Variants in ROR1 observed in about 807,000 individuals in gnomAD.
ROR1 encodes ROR family WNT receptor 1, also known as inactive tyrosine-protein kinase transmembrane receptor ROR1.
In ROR1, 19 loss-of-function variants were observed where a neutral mutation model predicts 78.8. The ratio of observed to expected loss-of-function variants is 0.24; its 90% CI spans 0.17 to 0.35. The LOEUF is 0.35. ROR1 is among the 10% of genes least tolerant of loss of function. The pLI is 1.00. For missense variants in ROR1, 917 were observed against 1,177.8 expected, an observed-to-expected ratio of 0.78 and a Z score of 3.24; for synonymous variants, 386 against 433.6, an observed-to-expected ratio of 0.89 and a Z score of 1.36.
intron 4 of ROR1, among the ~76,000 whole-genome samples, chr1:64,077,626 A>T (rs1647062094): frequency 6.6e-6 from 1 of 152,256 alleles, no homozygotes; most frequent in African/African-American, 2.4e-5. Context: ...CCCACAAAGG[A>T]CAGACAGCAC....
chr1:63,936,275 G>A (rs139347440), intron 1 of ROR1, among the ~76,000 whole-genome samples: 218 of 152,240 alleles, frequency 1.4e-3, no homozygotes, highest in Non-Finnish European at 2.5e-3. Context: ...CAATCTATTC[G>A]TTTTCTGCCT....
At chr1:63,935,049 G>A (rs2100449137) in intron 1 of ROR1, among the ~76,000 whole-genome samples, 1 of 145,820 alleles carries the variant, frequency 6.9e-6, no homozygotes, top group East Asian at 2.0e-4. Context: ...TTTGGGTAGA[G>A]GGGAGAATGA....
At chr1:64,085,201 A>G (rs1341056017) in intron 4 of ROR1, among the ~76,000 whole-genome samples, 3 of 152,212 alleles carry the variant, frequency 2.0e-5, no homozygotes, top group African/African-American at 7.2e-5. Flanking sequence ...CACATGCTGG[A>G]TGTAAAAGTG....
At chr1:64,067,806 G>T (rs1043382381) in intron 4 of ROR1, among the ~76,000 whole-genome samples, 1 of 148,200 alleles carries the variant, frequency 6.7e-6, no homozygotes, top group African/African-American at 2.5e-5. Flanking sequence ...TCCGCCTCCC[G>T]GGTTCAAACC....
intron 1 of ROR1, among the ~76,000 whole-genome samples, chr1:64,008,952 AT>A (rs1646452953): frequency 1.3e-5 from 2 of 152,276 alleles, no homozygotes; most frequent in African/African-American, 4.8e-5. Flanking sequence ...AATGATAGCC[AT>A]TCTGACTAGT....
rs1649160376 is a variant in ROR1 at position 64,137,615 on chromosome 1, C to A, written c.610+119C>A. The A allele has an allele frequency of 2.7e-5, 25 of 919,728 alleles. No homozygotes were observed. The South Asian group carries it at 3.5e-4, about 13-fold the overall frequency. The allele number at this position is 919,728 out of a possible 1,614,324, so 57.0% of individuals were successfully genotyped here. A position where few individuals can be genotyped will look rare whatever the true frequency, so the allele number is the denominator to read the frequency against. On this transcript the variant is annotated intron_variant, in intron 5 of 8. Transcript: ENST00000371079. ...CTCAGCATGGAGGTTGGGAGCAGGACCATAAAAAAGCATGAGACATGATCT... is the reference window on the plus strand; with the variant it reads ...CTCAGCATGGAGGTTGGGAGCAGGAACATAAAAAAGCATGAGACATGATCT...
At chr1:63,994,590 A>G (rs1324069502) in intron 1 of ROR1, among the ~76,000 whole-genome samples, 1 of 152,180 alleles carries the variant, frequency 6.6e-6, no homozygotes. Context: ...AGGCCTGAAG[A>G]AGAGGGTCCT....
intron 8 of ROR1, among the ~76,000 whole-genome samples, chr1:64,165,223 C>G (rs768078822): frequency 9.9e-5 from 15 of 152,206 alleles, no homozygotes; most frequent in Non-Finnish European, 1.5e-5. Flanking sequence ...TATAAGCGTT[C>G]CTTTTTCTCT....
At chr1:64,082,214 G>T (rs1025397585) in intron 4 of ROR1, among the ~76,000 whole-genome samples, 1 of 152,184 alleles carries the variant, frequency 6.6e-6, no homozygotes, top group Non-Finnish European at 1.5e-5. Flanking sequence ...ACAAGCCAGA[G>T]AAGGGAATAA....
rs530625088 is a variant in ROR1 at position 63,881,715 on chromosome 1, G to A, written c.91+107207G>A. 9.2e-5 allele frequency among the ~76,000 whole-genome samples: 14 copies of A among 152,196 alleles called. No homozygotes were observed. In the East Asian group the frequency reaches 2.1e-3, roughly 23 times the overall value. ...CAGGTGTTTATTGAGTTAATTTTAC[G>A]CCAGACACTTTGCTAGGCCTAGTGA... On this transcript the variant is annotated intron_variant, in intron 1 of 8. Coordinates refer to ENST00000371079, the MANE Select transcript of ROR1 (RefSeq NM_005012.4).
At chr1:63,803,378 C>T (rs1644807809) in intron 1 of ROR1, among the ~76,000 whole-genome samples, 1 of 150,828 alleles carries the variant, frequency 6.6e-6, no homozygotes, top group Non-Finnish European at 1.5e-5. Context: ...GACTCTCGCT[C>T]TGTCGCCCAG....
intron 1 of ROR1, among the ~76,000 whole-genome samples, chr1:63,990,987 C>G (rs780451078): frequency 2.6e-5 from 4 of 152,190 alleles, no homozygotes; most frequent in Non-Finnish European, 4.4e-5. Context: ...GGTGCAATAA[C>G]AGCTCACTAT....
chr1:63,780,752 G>T (rs1239795649), intron 1 of ROR1, among the ~76,000 whole-genome samples: 3 of 152,200 alleles, frequency 2.0e-5, no homozygotes, highest in Non-Finnish European at 2.9e-5. Context: ...GTGCAGTTTT[G>T]CAATGCCTTA....
At chr1:64,134,706 G>C (rs887986461) in intron 4 of ROR1, among the ~76,000 whole-genome samples, 1 of 151,426 alleles carries the variant, frequency 6.6e-6, no homozygotes, top group Non-Finnish European at 1.5e-5. Context: ...TGGGGCCTGG[G>C]CATTCGTATT....
chr1:63,859,213 GT>G (rs1645165787), intron 1 of ROR1, among the ~76,000 whole-genome samples: 1 of 152,124 alleles, frequency 6.6e-6, no homozygotes, highest in African/African-American at 2.4e-5. Context: ...CTGGCTGGGG[GT>G]TTTGGTGTTG....
chr1:63,846,156 G>T (rs1029542980), intron 1 of ROR1, among the ~76,000 whole-genome samples: 1 of 120,772 alleles, frequency 8.3e-6, no homozygotes, highest in African/African-American at 3.2e-5. Context: ...GTGTGTGTGT[G>T]TGTGTGTGTG....
At chr1:63,818,594 A>G (rs1310708116) in intron 1 of ROR1, among the ~76,000 whole-genome samples, 1 of 152,222 alleles carries the variant, frequency 6.6e-6, no homozygotes, top group Non-Finnish European at 1.5e-5. Flanking sequence ...GGGAAAGTAC[A>G]GTGCTTAGAA....
chr1:63,973,483 C>A (rs541308101), intron 1 of ROR1, among the ~76,000 whole-genome samples: 8 of 152,160 alleles, frequency 5.3e-5, no homozygotes, highest in Non-Finnish European at 8.8e-5. Context: ...GAATCCGTGA[C>A]AATCTGTTTG....
intron 6 of ROR1, 136 bp from the exon 7 acceptor site, chr1:64,142,269 T>C: frequency 7.2e-7 from 1 of 1,386,408 alleles, no homozygotes; most frequent in Non-Finnish European, 9.7e-7. Context: ...CTGTCCTGCA[T>C]GGCCCCTGAC....
Sources: gnomAD v4.1 joint callset for allele counts (sites outside exome capture counted in the v4.1 genomes callset) on GRCh38, gnomAD v4.1.1 for gene constraint, MANE v1.5 for transcripts, NCBI Gene and HGNC (gene_info 2026-07-23, HGNC 2026-07-21) for gene names.